Variants in ZFYVE26 observed in about 807,000 individuals in gnomAD.
The protein encoded by ZFYVE26 is zinc finger FYVE domain-containing protein 26.
ZFYVE26 carries 181 observed loss-of-function variants against 276.5 expected under a neutral mutation model. The ratio of observed to expected loss-of-function variants is 0.65; its 90% CI spans 0.58 to 0.74. ZFYVE26 has a LOEUF of 0.74. ZFYVE26 is among the 30% of genes least tolerant of loss of function. The pLI, the probability that ZFYVE26 is intolerant of heterozygous loss-of-function variation, is 0.00. For missense variants in ZFYVE26, 2,821 were observed against 3,097.9 expected, an observed-to-expected ratio of 0.91 and a Z score of 2.12; for synonymous variants, 1,129 against 1,203.1, an observed-to-expected ratio of 0.94 and a Z score of 1.27.
Position 67,798,955 on chromosome 14 carries a change from G to A in ZFYVE26, c.1640-333C>T, listed in dbSNP as rs527548693. ...GCCTCTGATCTTTATTTCTCGCGCC[G>A]CGGTTTCGGTGGGAGGGGCGGGGGT... is the stretch of plus-strand genomic sequence containing the variant. On this transcript the variant is annotated intron_variant, in intron 10 of 41. Transcript: ENST00000347230. The A allele has an allele frequency of 5.8e-5, 66 of 1,131,456 alleles. No homozygotes were observed. The African/African-American group carries it at 9.1e-4, about 16-fold the overall frequency. The allele number at this position is 1,131,456 out of a possible 1,614,324, so 70.1% of individuals were successfully genotyped here.
chr14:67,733,917 C>A, intron 13 of ZFYVE26: 1 of 1,185,440 alleles, frequency 8.4e-7, no homozygotes, highest in Non-Finnish European at 1.3e-6. Context: ...AGGAGAAGGC[C>A]AACCCTAAAG....
At chr14:67,773,289 G>A (rs2039259031) in intron 27 of ZFYVE26, among the ~76,000 whole-genome samples, 1 of 152,042 alleles carries the variant, frequency 6.6e-6, no homozygotes, top group South Asian at 2.1e-4. Context: ...TGCAGATTAT[G>A]CCTGTAATCC....
In ZFYVE26 at chr14:67,747,545, T is replaced by G. The variant is rs995779670; in HGVS notation, c.*891A>C. 2.6e-5 allele frequency: 4 copies of G among 152,178 alleles called. No individual in the cohort carries two copies. Among genetic ancestry groups the G allele is most frequent in the Non-Finnish European group, 5.9e-5 (4 of 68,104 alleles). 9.4% of individuals were successfully genotyped at this position (152,178 alleles called of 1,614,324 possible). ...GTCCTAGGATCCTGGCCACCTTTTC[T>G]CTCCCCAGACTCTCAAAGAGGAAGT... On this transcript the variant is annotated 3_prime_UTR_variant, in exon 42 of 42. Transcript: ENST00000347230.
intron 14 of ZFYVE26, among the ~76,000 whole-genome samples, chr14:67,792,538 C>T (rs2039840520): frequency 6.6e-6 from 1 of 152,158 alleles, no homozygotes; most frequent in South Asian, 2.1e-4. Context: ...GATTACCATT[C>T]CAGTGCTATT....
chr14:67,740,213 T>C (rs945704999), intron 13 of ZFYVE26, among the ~76,000 whole-genome samples: 1 of 152,226 alleles, frequency 6.6e-6, no homozygotes, highest in Non-Finnish European at 1.5e-5. Flanking sequence ...ACTATGTTGT[T>C]ATAGTCATCT....
chr14:67,784,299 G>C, intron 20 of ZFYVE26, 35 bp downstream of exon 20: 1 of 1,559,750 alleles, frequency 6.4e-7, no homozygotes, highest in Non-Finnish European at 8.8e-7. Flanking sequence ...ATCATCCGAA[G>C]GCCCATGGCT....
chr14:67,766,307 G>A lies in ZFYVE26; in HGVS notation c.5931C>T (p.Asp1977=), dbSNP rs2039057021. 3 of 1,613,636 alleles carry A rather than the reference G, an allele frequency of 1.9e-6. No homozygotes were observed. Among genetic ancestry groups the A allele is most frequent in the East Asian group, 2.2e-5 (1 of 44,896 alleles). The change falls in exon 32 of 42, where the codon GAC becomes GAT. Residue 1977 remains aspartate (D), a synonymous_variant. Coordinates refer to ENST00000347230, the MANE Select transcript of ZFYVE26 (RefSeq NM_015346.4). ...NPEVDAGLLT[D]IMKQLLFSAK... ...CGCTGAACAGCAGCTGCTTCATGAT[G>A]TCCGTGAGCAGCCCGGCATCCACCT... is the stretch of plus-strand genomic sequence containing the variant.
At chr14:67,734,713 G>A (rs1343127428) in intron 13 of ZFYVE26, among the ~76,000 whole-genome samples, 1 of 152,172 alleles carries the variant, frequency 6.6e-6, no homozygotes, top group Non-Finnish European at 1.5e-5. Context: ...GCACCCAAAA[G>A]GAAAGGATTT....
chr14:67,790,881 T>C, intron 14 of ZFYVE26, 108 bp from the exon 15 acceptor site: 6 of 1,039,774 alleles, frequency 5.8e-6, no homozygotes, highest in Non-Finnish European at 9.0e-6. Context: ...AAGATGTCTT[T>C]GTGCTTTGTA....
At chr14:67,772,324 C>T (rs756285280) in intron 27 of ZFYVE26, 114 bp from the exon 28 acceptor site, 11 of 1,213,702 alleles carry the variant, frequency 9.1e-6, no homozygotes, top group Non-Finnish European at 1.2e-5. Context: ...AGAATAGATC[C>T]AGTTAATGAT....
intron 10 of ZFYVE26, chr14:67,799,717 C>A: frequency 1.2e-6 from 1 of 808,950 alleles, no homozygotes; most frequent in South Asian, 1.7e-5. Context: ...GAAAAGGTGT[C>A]TTTCCAGCCT....
rs76897013 is a variant in ZFYVE26, at chr14:67,805,676, A to C, written c.1018-58T>G. The C allele has an allele frequency of 1.3e-3, 2,028 of 1,567,152 alleles. 32 individuals are homozygous for C. In the African/African-American group the frequency reaches 0.025, roughly 19 times the overall value. ...ATGTGGATGAGACAGAATGGGTTCT[A>C]GCTTACTGCTCTTTAGAGAAAGAAG... On this transcript the variant is annotated intron_variant, in intron 6 of 41. Coordinates refer to ENST00000347230, the MANE Select transcript of ZFYVE26 (RefSeq NM_015346.4).
chr14:67,798,929 C>A (rs1044433720), intron 10 of ZFYVE26: 5 of 1,063,734 alleles, frequency 4.7e-6, no homozygotes, highest in Non-Finnish European at 7.1e-6. Flanking sequence ...CTCCGCTTGG[C>A]GCCTCTGATC....
chr14:67,762,873 T>G (rs1405995887), intron 32 of ZFYVE26, 54 bp from the exon 33 acceptor site: 4 of 1,607,088 alleles, frequency 2.5e-6, no homozygotes, highest in Non-Finnish European at 3.4e-6. Flanking sequence ...TTACTAAGAG[T>G]AGCCGCTTAA....
At chr14:67,758,450 A>C (rs1186101438) in intron 35 of ZFYVE26, among the ~76,000 whole-genome samples, 1 of 152,136 alleles carries the variant, frequency 6.6e-6, no homozygotes, top group African/African-American at 2.4e-5. Context: ...CTGAATATAC[A>C]GATAAGTAAA....
chr14:67,786,607 T>C (rs1417602344), intron 16 of ZFYVE26, among the ~76,000 whole-genome samples: 1 of 152,240 alleles, frequency 6.6e-6, no homozygotes, highest in Non-Finnish European at 1.5e-5. Flanking sequence ...CCAACTAGAC[T>C]ATGAACAACT....
chr14:67,799,338 C>T lies in ZFYVE26; in HGVS notation c.1640-716G>A, dbSNP rs2040032186. 2.5e-6 allele frequency: 4 copies of T among 1,609,926 alleles called. No homozygotes were observed. In the African/African-American group the frequency reaches 4.0e-5, roughly 16 times the overall value. ...GTTCAGCAAGCTATTGACGCCAGAG[C>T]GGTGCAATCCTATAAGGCCTTTGTC... On this transcript the variant is annotated intron_variant, in intron 10 of 41. Coordinates refer to ENST00000347230, the MANE Select transcript of ZFYVE26 (RefSeq NM_015346.4).
intron 16 of ZFYVE26, among the ~76,000 whole-genome samples, chr14:67,786,785 C>T (rs947497882): frequency 6.6e-6 from 1 of 152,194 alleles, no homozygotes; most frequent in Admixed American, 6.5e-5. Context: ...TTTGAAGCAA[C>T]CTCAGTGTCC....
chr14:67,809,408 CTTTTTTTTTTTTTTTTTTT>C, intron 3 of ZFYVE26, 119 bp from the exon 4 acceptor site: 2 of 208,308 alleles, frequency 9.6e-6, no homozygotes, highest in East Asian at 1.1e-4. Flanking sequence ...ATGAAGCACT[CTTTTTTTTTTTTTTTTTTT>C]TTTTTTTTAT....
Sources: gnomAD v4.1 joint callset for allele counts (sites outside exome capture counted in the v4.1 genomes callset) on GRCh38, gnomAD v4.1.1 for gene constraint, MANE v1.5 for transcripts, NCBI Gene and HGNC (gene_info 2026-07-23, HGNC 2026-07-21) for gene names.